PCCA: variants seen among roughly 807,000 people sequenced by gnomAD.
PCCA encodes propionyl-CoA carboxylase alpha chain, mitochondrial.
In PCCA, 74 loss-of-function variants were observed where a neutral mutation model predicts 101.3. That is an observed-to-expected ratio of 0.73 (90% confidence interval 0.61 to 0.89). The LOEUF is 0.89. Ranked by LOEUF, PCCA falls within the 40% of genes least tolerant of loss-of-function variation. The pLI is 0.00. For synonymous variants in PCCA, 294 were observed against 313.6 expected (o/e 0.94, Z 0.66); for missense variants, 891 against 907.0 (o/e 0.98, Z 0.23).
At chr13:100,223,673 C>G (rs1021547662) in intron 7 of PCCA, among the ~76,000 whole-genome samples, 4 of 152,242 alleles carry the variant, frequency 2.6e-5, no homozygotes, top group African/African-American at 4.8e-5. Flanking sequence ...CTTTTATTCT[C>G]TTATCCGGCC....
At chr13:100,360,260 G>C (rs2074426909) in intron 18 of PCCA, among the ~76,000 whole-genome samples, 1 of 151,634 alleles carries the variant, frequency 6.6e-6, no homozygotes, top group South Asian at 2.1e-4. Flanking sequence ...CCCATATTCA[G>C]TCACCTCTTA....
chr13:100,152,985 C>A (rs911443850), intron 4 of PCCA, among the ~76,000 whole-genome samples: 5 of 151,924 alleles, frequency 3.3e-5, no homozygotes, highest in African/African-American at 1.2e-4. Flanking sequence ...CTTTTAATTT[C>A]TTTTCCTTGA....
chr13:100,246,270 C>A lies in PCCA; in HGVS notation c.637+10392C>A, dbSNP rs533287718. Among the ~76,000 whole-genome samples the A allele has an allele frequency of 3.3e-5, 5 of 151,436 alleles. No individual in the cohort carries two copies. In the South Asian group the frequency reaches 1.0e-3, roughly 32 times the overall value. ...TTCATTTCTAAGTAATTTCAGATTT[C>A]TGCTATGATTTTGACTCATATGTTA... On this transcript the variant is annotated intron_variant, in intron 8 of 23. Coordinates refer to ENST00000376285, the MANE Select transcript of PCCA (RefSeq NM_000282.4).
intron 1 of PCCA, 91 bp from the exon 2 acceptor site, chr13:100,102,792 T>G: frequency 2.4e-6 from 2 of 834,794 alleles, no homozygotes; most frequent in Non-Finnish European, 4.2e-6. Context: ...TCAGACACGT[T>G]CGCTAGAACC....
intron 19 of PCCA, among the ~76,000 whole-genome samples, chr13:100,415,337 G>A (rs2078298240): frequency 6.6e-6 from 1 of 152,108 alleles, no homozygotes; most frequent in Non-Finnish European, 1.5e-5. Context: ...AGCCCAGGGG[G>A]TTGAGGCTGC....
intron 19 of PCCA, among the ~76,000 whole-genome samples, chr13:100,379,622 A>G (rs1477528347): frequency 1.3e-5 from 2 of 152,324 alleles, no homozygotes; most frequent in East Asian, 1.9e-4. Flanking sequence ...TCACAGTTCC[A>G]TATGGCTGGG....
At chr13:100,095,692 A>G (rs1238307982) in intron 1 of PCCA, among the ~76,000 whole-genome samples, 2 of 152,170 alleles carry the variant, frequency 1.3e-5, no homozygotes, top group Non-Finnish European at 2.9e-5. Context: ...CATTTGGCAT[A>G]ATTAAGGGAT....
intron 19 of PCCA, among the ~76,000 whole-genome samples, chr13:100,376,069 TTC>T (rs755097288): frequency 6.6e-6 from 1 of 152,216 alleles, no homozygotes; most frequent in Non-Finnish European, 1.5e-5. Flanking sequence ...TGCTGTTCCT[TTC>T]TGTTTGTTAG....
chr13:100,371,369 T>C (rs1382980355), intron 19 of PCCA, among the ~76,000 whole-genome samples: 1 of 152,216 alleles, frequency 6.6e-6, no homozygotes, highest in Admixed American at 6.5e-5. Context: ...GCGAAAGGCT[T>C]ACACACTGAA....
chr13:100,353,831 T>C (rs2073589879), intron 18 of PCCA, among the ~76,000 whole-genome samples: 1 of 152,034 alleles, frequency 6.6e-6, no homozygotes, highest in Admixed American at 6.6e-5. Context: ...CACGTGCCTA[T>C]AGTCCTTGCT....
intron 21 of PCCA, among the ~76,000 whole-genome samples, chr13:100,477,990 G>A (rs1383406951): frequency 6.6e-6 from 1 of 152,354 alleles, no homozygotes; most frequent in East Asian, 1.9e-4. Context: ...GCTCCAGGTT[G>A]TTGCTGGATG....
intron 12 of PCCA, among the ~76,000 whole-genome samples, chr13:100,286,040 G>T (rs762386372): frequency 1.3e-5 from 2 of 152,128 alleles, no homozygotes; most frequent in Non-Finnish European, 2.9e-5. Context: ...AATTTTAATA[G>T]TCTGAGCTTT....
chr13:100,481,522 C>T (rs2083931270), intron 21 of PCCA, among the ~76,000 whole-genome samples: 1 of 152,150 alleles, frequency 6.6e-6, no homozygotes, highest in African/African-American at 2.4e-5. Flanking sequence ...CATGCCACTG[C>T]ACTCCAGCCT....
At chr13:100,156,290 A>G (rs952687324) in intron 5 of PCCA, among the ~76,000 whole-genome samples, 5 of 151,374 alleles carry the variant, frequency 3.3e-5, no homozygotes, top group Admixed American at 6.6e-5. Flanking sequence ...CTGGTCTTGA[A>G]CTCCTGACCT....
intron 18 of PCCA, among the ~76,000 whole-genome samples, chr13:100,354,913 AAATTACTTAATACT>A (rs1001732838): frequency 6.6e-6 from 1 of 152,170 alleles, no homozygotes; most frequent in African/African-American, 2.4e-5. Flanking sequence ...AGTTAAAGGA[AAATTACTTAATACT>A]AATCCTCACA....
At chr13:100,130,413 T>C (rs1333339598) in intron 4 of PCCA, among the ~76,000 whole-genome samples, 5 of 152,212 alleles carry the variant, frequency 3.3e-5, no homozygotes, top group Admixed American at 2.6e-4. Flanking sequence ...TTGGAACCTG[T>C]ACAAAGGAAA....
At chr13:100,299,506 A>G (rs904467246) in intron 12 of PCCA, among the ~76,000 whole-genome samples, 1 of 152,218 alleles carries the variant, frequency 6.6e-6, no homozygotes, top group Non-Finnish European at 1.5e-5. Flanking sequence ...TTCCAACTCC[A>G]TCGTGACCAC....
intron 1 of PCCA, among the ~76,000 whole-genome samples, chr13:100,097,129 A>G (rs2046843751): frequency 6.6e-6 from 1 of 152,182 alleles, no homozygotes; most frequent in South Asian, 2.1e-4. Flanking sequence ...ATTAAGAGTG[A>G]CTTTTGAAGG....
chr13:100,458,829 C>T (rs2081981077), intron 21 of PCCA, among the ~76,000 whole-genome samples: 1 of 152,216 alleles, frequency 6.6e-6, no homozygotes, highest in East Asian at 1.9e-4. Flanking sequence ...GGTATCTATC[C>T]GTTTTATTAC....
Sources: gnomAD v4.1 joint callset for allele counts (sites outside exome capture counted in the v4.1 genomes callset) on GRCh38, gnomAD v4.1.1 for gene constraint, MANE v1.5 for transcripts, NCBI Gene and HGNC (gene_info 2026-07-23, HGNC 2026-07-21) for gene names.